The following CCDC6 variants were observed in gnomAD, a reference collection of about 807,000 sequenced individuals.
CCDC6 encodes the protein coiled-coil domain containing 6.
Under a neutral mutation model 56.6 loss-of-function variants are expected in CCDC6, and 20 were observed. That is an observed-to-expected ratio of 0.35 (90% CI 0.25 to 0.51). The LOEUF (loss-of-function observed/expected upper bound fraction) is 0.51. Among genes scored for constraint, CCDC6 ranks in the 20% least tolerant of loss-of-function variants. CCDC6 has a pLI of 0.95. For synonymous variants in CCDC6, 241 were observed against 234.4 expected (o/e 1.03, Z -0.26); for missense variants, 367 against 601.1 (o/e 0.61, Z 4.07).
chr10:59,890,339 G>A (rs1340402102), intron 1 of CCDC6, among the ~76,000 whole-genome samples: 2 of 152,194 alleles, frequency 1.3e-5, no homozygotes, highest in Non-Finnish European at 2.9e-5. Context: ...AGCCGCTGAG[G>A]AAGAAGTGGA....
At chr10:59,847,579 G>C (rs2071003841) in intron 2 of CCDC6, among the ~76,000 whole-genome samples, 1 of 152,078 alleles carries the variant, frequency 6.6e-6, no homozygotes, top group African/African-American at 2.4e-5. Context: ...TAGCATAGCA[G>C]GACTCTGAGC....
intron 1 of CCDC6, among the ~76,000 whole-genome samples, chr10:59,888,383 T>G (rs1181061501): frequency 6.6e-6 from 1 of 152,216 alleles, no homozygotes; most frequent in African/African-American, 2.4e-5. Flanking sequence ...GGTGAAGTGG[T>G]GACCTAAACT....
rs1564755783 is a variant in CCDC6 at position 59,882,024 on chromosome 10, CGCGGGG to C, written c.303+24092_303+24097del. ...AAGCTGGGGAGAAGGAAAGGAAAGC[CGCGGGG>C]AGAAGGAAAGGAAAGCCAGGGGGAG... On this transcript the variant is annotated intron_variant, in intron 1 of 8. Transcript: ENST00000263102. Among the ~76,000 whole-genome samples the C allele has an allele frequency of 2.6e-3, 127 of 48,262 alleles. 27 individuals carry two copies. The highest frequency in any genetic ancestry group is 8.4e-3 in the African/African-American group (81 of 9,596). The allele number at this position is 48,262 out of a possible 152,430, so 31.7% of individuals were successfully genotyped here. A position where few individuals can be genotyped will look rare whatever the true frequency, so the allele number is the denominator to read the frequency against.
intron 8 of CCDC6, 119 bp from the exon 9 acceptor site, chr10:59,793,230 G>A (rs1683762969): frequency 5.3e-6 from 4 of 750,744 alleles, no homozygotes; most frequent in Admixed American, 2.9e-5. Context: ...CAAGAAACCA[G>A]GGATTTCTTT....
intron 1 of CCDC6, among the ~76,000 whole-genome samples, chr10:59,879,338 C>T (rs1378618062): frequency 6.6e-6 from 1 of 152,152 alleles, no homozygotes; most frequent in Non-Finnish European, 1.5e-5. Context: ...ATATTATAAA[C>T]TATAGATTTA....
chr10:59,866,570 C>T (rs1410133802), intron 1 of CCDC6, among the ~76,000 whole-genome samples: 2 of 152,146 alleles, frequency 1.3e-5, no homozygotes, highest in Non-Finnish European at 2.9e-5. Flanking sequence ...ACATGGCAGG[C>T]TCTTCCATAC....
intron 1 of CCDC6, among the ~76,000 whole-genome samples, chr10:59,869,889 A>G (rs375890765): frequency 6.6e-6 from 1 of 152,082 alleles, no homozygotes; most frequent in East Asian, 1.9e-4. Flanking sequence ...GTTCCCACAC[A>G]TGCCACACTC....
intron 2 of CCDC6, among the ~76,000 whole-genome samples, chr10:59,845,658 A>G (rs2070985415): frequency 6.6e-6 from 1 of 152,208 alleles, no homozygotes; most frequent in Non-Finnish European, 1.5e-5. Context: ...TCCTGAAAAG[A>G]TCAGACAAAG....
intron 1 of CCDC6, among the ~76,000 whole-genome samples, chr10:59,897,763 T>C (rs937350408): frequency 1.3e-5 from 2 of 152,234 alleles, no homozygotes; most frequent in African/African-American, 4.8e-5. Context: ...CACAGGTAAC[T>C]AGATTTCTAA....
chr10:59,882,003 T>TGGGAGAAGGAAAGGAAAGCCAG (rs2071340157), intron 1 of CCDC6, among the ~76,000 whole-genome samples: 3 of 88,824 alleles, frequency 3.4e-5, no homozygotes, highest in African/African-American at 1.4e-4. Flanking sequence ...GAAGGAAAGC[T>TGGGAGAAGGAAAGGAAAGCCAG]GGGGAGAAGG....
intron 2 of CCDC6, among the ~76,000 whole-genome samples, chr10:59,832,903 T>C (rs534735581): frequency 6.6e-6 from 1 of 152,372 alleles, no homozygotes; most frequent in African/African-American, 2.4e-5. Flanking sequence ...TCAGGTTTTA[T>C]ACTATAGGCA....
intron 1 of CCDC6, among the ~76,000 whole-genome samples, chr10:59,866,612 T>G (rs993350997): frequency 2.6e-5 from 4 of 152,156 alleles, no homozygotes; most frequent in African/African-American, 9.7e-5. Flanking sequence ...CTCCACACAT[T>G]TCGGCCTCAC....
intron 1 of CCDC6, among the ~76,000 whole-genome samples, chr10:59,894,596 T>C (rs1474279727): frequency 6.6e-6 from 1 of 151,932 alleles, no homozygotes; most frequent in African/African-American, 2.4e-5. Flanking sequence ...AAAACCCACT[T>C]GTACTGTGCT....
chr10:59,876,530 C>T (rs2071282468), intron 1 of CCDC6, among the ~76,000 whole-genome samples: 1 of 148,876 alleles, frequency 6.7e-6, no homozygotes, highest in East Asian at 2.0e-4. Context: ...AGGCAAGGTC[C>T]ACCAAACTTT....
At chr10:59,862,552 C>CGG in intron 1 of CCDC6, among the ~76,000 whole-genome samples, 1 of 81,626 alleles carries the variant, frequency 1.2e-5, no homozygotes, top group South Asian at 4.1e-4. Flanking sequence ...CACACACACA[C>CGG]ACACATATAT....
chr10:59,880,319 A>G (rs2071321951), intron 1 of CCDC6, among the ~76,000 whole-genome samples: 1 of 152,196 alleles, frequency 6.6e-6, no homozygotes, highest in African/African-American at 2.4e-5. Flanking sequence ...GTTTTGCCCT[A>G]TAGTAACAAA....
intron 7 of CCDC6, among the ~76,000 whole-genome samples, chr10:59,800,897 A>G (rs1164827433): frequency 6.6e-6 from 1 of 152,220 alleles, no homozygotes; most frequent in Non-Finnish European, 1.5e-5. Flanking sequence ...TGTATTAACA[A>G]AAGCCAAAAT....
intron 4 of CCDC6, among the ~76,000 whole-genome samples, chr10:59,813,842 G>A (rs1412380692): frequency 6.6e-6 from 1 of 152,134 alleles, no homozygotes; most frequent in Non-Finnish European, 1.5e-5. Context: ...TATGTGGTAT[G>A]CCTGTATTTT....
At chr10:59,839,831 CATTT>C (rs1308459598) in intron 2 of CCDC6, among the ~76,000 whole-genome samples, 10 of 152,072 alleles carry the variant, frequency 6.6e-5, no homozygotes, top group Non-Finnish European at 1.5e-4. Context: ...CATTTCTTTT[CATTT>C]ATTTATTTTG....
Sources: gnomAD v4.1 joint callset for allele counts (sites outside exome capture counted in the v4.1 genomes callset) on GRCh38, gnomAD v4.1.1 for gene constraint, MANE v1.5 for transcripts, NCBI Gene and HGNC (gene_info 2026-07-23, HGNC 2026-07-21) for gene names.